HEATR1: variants seen among roughly 807,000 people sequenced by gnomAD.
The protein encoded by HEATR1 is HEAT repeat-containing protein 1.
In HEATR1, 77 loss-of-function variants were observed where a neutral mutation model predicts 248.2. That is an observed-to-expected ratio of 0.31 (90% CI 0.26 to 0.37). The LOEUF is 0.37. Ranked by LOEUF, HEATR1 falls within the 10% of genes least tolerant of loss-of-function variation. The pLI, the probability that HEATR1 is intolerant of heterozygous loss-of-function variation, is 1.00. For synonymous variants in HEATR1, 897 were observed against 923.1 expected (o/e 0.97, Z 0.51); for missense variants, 2,420 against 2,504.9 (o/e 0.97, Z 0.72).
chr1:236,572,686 G>A (rs559586943), intron 25 of HEATR1, 39 bp downstream of exon 25: 1 of 1,600,596 alleles, frequency 6.2e-7, no homozygotes, highest in South Asian at 1.1e-5. Context: ...TCAGAGTCAG[G>A]GAACAACAGC....
intron 3 of HEATR1, among the ~76,000 whole-genome samples, chr1:236,600,555 A>G (rs1664295615): frequency 6.8e-6 from 1 of 146,010 alleles, no homozygotes; most frequent in African/African-American, 2.5e-5. Context: ...TTTTTTTTCC[A>G]GAGTCTACTT....
intron 10 of HEATR1, 48 bp from the exon 11 acceptor site, chr1:236,592,158 A>C (rs1318061086): frequency 2.1e-6 from 2 of 943,164 alleles, no homozygotes; most frequent in South Asian, 3.1e-5. Flanking sequence ...TAAATTTATT[A>C]ATCTCATACA....
intron 5 of HEATR1, among the ~76,000 whole-genome samples, chr1:236,597,438 A>G (rs962908501): frequency 1.3e-5 from 2 of 152,038 alleles, no homozygotes; most frequent in Non-Finnish European, 2.9e-5. Flanking sequence ...TTTTTAGTAG[A>G]GACGGTGTTT....
rs1468568189 is a variant in HEATR1 at position 236,556,150 on chromosome 1, G to C, written c.5464C>G (p.Leu1822Val). Residue 1822 changes from leucine to valine, a missense_variant, in exon 38 of 45, where the codon CTG becomes GTG. Transcript: ENST00000366582. ...TLATTLAPRV[L>V]LPAIKKTYKQ... Reference sequence around the variant, plus strand: ...TAAGTTTTTTTGATGGCGGGCAACAGGACTCGGGGTGCAAGTGTGGTAGCC... The same window carrying C: ...TAAGTTTTTTTGATGGCGGGCAACACGACTCGGGGTGCAAGTGTGGTAGCC... 1 of 1,614,114 alleles carries C rather than the reference G, an allele frequency of 6.2e-7. No individual in the cohort carries two copies. The highest frequency in any genetic ancestry group is 2.2e-5 in the East Asian group (1 of 44,884).
intron 43 of HEATR1, 199 bp from the exon 44 acceptor site, chr1:236,552,306 TATAAA>T: frequency 5.0e-6 from 2 of 396,988 alleles, no homozygotes; most frequent in East Asian, 7.9e-5. Context: ...TGTGCAACCT[TATAAA>T]TAGTGTTTTC....
In HEATR1 at chr1:236,571,446, C is replaced by T. The variant is rs755424367; in HGVS notation, c.3853G>A (p.Val1285Met). Residue 1285 changes from valine (V) to methionine (M), a missense_variant, in exon 28 of 45, where the codon GTG (valine) becomes ATG (methionine). Val to Met is a conservative substitution (Grantham distance 21). Coordinates refer to ENST00000366582, the MANE Select transcript of HEATR1 (RefSeq NM_018072.6). Reference protein sequence around the residue: ...KDILDEEKFNVELIVQCIRLS... With the variant: ...KDILDEEKFNMELIVQCIRLS... The stretch of plus-strand genomic sequence containing the variant: ...CGGATGCACTGAACTATCAACTCCA[C>T]GTTGAACTTCTCCTCATCTAAAATA... 34 of 1,613,826 alleles carry T rather than the reference C, an allele frequency of 2.1e-5. No individual in the cohort carries two copies. Among genetic ancestry groups the T allele is most frequent in the Middle Eastern group, 1.6e-4 (1 of 6,084 alleles).
chr1:236,550,713 A>G lies in HEATR1; in HGVS notation c.*189T>C. 1 of 530,290 alleles carries G rather than the reference A, an allele frequency of 1.9e-6. No individual in the cohort carries two copies. Among genetic ancestry groups the G allele is most frequent in the South Asian group, 2.9e-5 (1 of 33,928 alleles). The allele number at this position is 530,290 out of a possible 1,614,324, so 32.8% of individuals were successfully genotyped here. A position where few individuals can be genotyped will look rare whatever the true frequency, so the allele number is the denominator to read the frequency against. ...TTTACTCTTTCTGCAGCTCTATACGATAGGCAGGAGAGGCTTATGTGGCAG... is the reference window on the plus strand; with the variant it reads ...TTTACTCTTTCTGCAGCTCTATACGGTAGGCAGGAGAGGCTTATGTGGCAG... On this transcript the variant is annotated 3_prime_UTR_variant, in exon 45 of 45. Coordinates refer to ENST00000366582, the MANE Select transcript of HEATR1 (RefSeq NM_018072.6).
chr1:236,579,529 C>T (rs2103140162), intron 20 of HEATR1, among the ~76,000 whole-genome samples: 1 of 152,290 alleles, frequency 6.6e-6, no homozygotes, highest in East Asian at 1.9e-4. Flanking sequence ...AAATTGCTAT[C>T]TCCATACAAT....
At chr1:236,591,939 ATACCCATACAAATG>A (rs1422685877) in intron 11 of HEATR1, 40 bp downstream of exon 11, 2 of 1,074,440 alleles carry the variant, frequency 1.9e-6, no homozygotes, top group African/African-American at 3.1e-5. Flanking sequence ...AGCTCTTCAC[ATACCCATACAAATG>A]TACCCCAAAT....
intron 3 of HEATR1, among the ~76,000 whole-genome samples, chr1:236,601,902 C>T (rs575992632): frequency 2.7e-5 from 4 of 150,874 alleles, no homozygotes; most frequent in South Asian, 4.2e-4. Flanking sequence ...GAGGCTAAGA[C>T]GAGTGGATCA....
Position 236,576,900 on chromosome 1 carries a change from A to G in HEATR1, c.2805T>C (p.Arg935=), listed in dbSNP as rs1444353619. The change falls in exon 21 of 45, where the codon CGT becomes CGC. Residue 935 remains arginine, a synonymous_variant. Transcript: ENST00000366582. ...INLGSPVKEV[R]RAAIQCLQAL... ...CCTGGAGACACTGAATGGCAGCCCT[A>G]CGAACTTCTTTTACGGGGCTTCCCA... 6.2e-7 allele frequency: 1 copy of G among 1,613,424 alleles called. No individual in the cohort carries two copies. The highest frequency in any genetic ancestry group is 8.5e-7 in the Non-Finnish European group (1 of 1,179,706).
chr1:236,562,826 T>C (rs1470453728), intron 32 of HEATR1, among the ~76,000 whole-genome samples: 1 of 152,248 alleles, frequency 6.6e-6, no homozygotes, highest in Non-Finnish European at 1.5e-5. Flanking sequence ...GTAATATTTG[T>C]GCACATATTT....
chr1:236,596,071 A>G, intron 6 of HEATR1, 27 bp from the exon 7 acceptor site: 2 of 1,492,462 alleles, frequency 1.3e-6, no homozygotes, highest in Non-Finnish European at 1.9e-6. Context: ...TATAAGGAAA[A>G]ATGATAAACC....
intron 14 of HEATR1, 84 bp downstream of exon 14, chr1:236,587,318 A>T: frequency 1.7e-6 from 1 of 584,690 alleles, no homozygotes; most frequent in Non-Finnish European, 2.7e-6. Context: ...CAAAGCCTTA[A>T]AAAAAAAAAG....
At chr1:236,586,033 A>G in intron 15 of HEATR1, 92 bp from the exon 16 acceptor site, 1 of 1,480,100 alleles carries the variant, frequency 6.8e-7, no homozygotes, top group South Asian at 1.2e-5. Context: ...ACTATTGTTT[A>G]TGAAGGTTTG....
intron 43 of HEATR1, 70 bp from the exon 44 acceptor site, chr1:236,552,177 G>T: frequency 1.0e-6 from 1 of 988,554 alleles, no homozygotes; most frequent in Non-Finnish European, 1.6e-6. Context: ...GAGCTGTACT[G>T]ACTTGAGACA....
intron 2 of HEATR1, among the ~76,000 whole-genome samples, 193 bp downstream of exon 2, chr1:236,603,761 T>C (rs1393864340): frequency 6.6e-6 from 1 of 151,982 alleles, no homozygotes; most frequent in Non-Finnish European, 1.5e-5. Flanking sequence ...TCCAGATACC[T>C]CTACTCATAA....
rs543678886 is a variant in HEATR1 at position 236,603,357 on chromosome 1, C to T, written c.162G>A (p.Glu54=). The change falls in exon 3 of 45, where the codon GAG becomes GAA. Residue 54 remains glutamate, a synonymous_variant. Coordinates refer to ENST00000366582, the MANE Select transcript of HEATR1 (RefSeq NM_018072.6). The part of the protein sequence containing the change: ...AFAIGCTGLE[E]LLGIDPSFEQ... ...CAAAGGAAGGATCAATTCCAAGCAACTCTTCCAGGCCAGTACATCCTAAAT... is the reference window on the plus strand; with the variant it reads ...CAAAGGAAGGATCAATTCCAAGCAATTCTTCCAGGCCAGTACATCCTAAAT... 1.0e-4 allele frequency: 167 copies of T among 1,613,870 alleles called. No individual in the cohort carries two copies. Among genetic ancestry groups the T allele is most frequent in the African/African-American group, 2.0e-4 (15 of 74,930 alleles).
At chr1:236,592,340 C>T (rs905096963) in intron 10 of HEATR1, among the ~76,000 whole-genome samples, 183 bp downstream of exon 10, 1 of 152,140 alleles carries the variant, frequency 6.6e-6, no homozygotes, top group African/African-American at 2.4e-5. Flanking sequence ...ATAGCCCCCA[C>T]ACAACCACTA....
Sources: allele counts gnomAD v4.1 joint callset (sites outside exome capture counted in the v4.1 genomes callset), GRCh38; gene constraint gnomAD v4.1.1; transcripts MANE v1.5; gene names NCBI Gene and HGNC (gene_info 2026-07-23, HGNC 2026-07-21).